SHB: variants seen among roughly 807,000 people sequenced by gnomAD.
SHB encodes SH2 domain-containing adapter protein B.
In SHB, 20 loss-of-function variants were observed where a neutral mutation model predicts 52.3. That is an observed-to-expected ratio of 0.38 (90% CI 0.27 to 0.56). The LOEUF (loss-of-function observed/expected upper bound fraction) is 0.56, where lower values mean the gene tolerates loss of function less well. Ranked by LOEUF, SHB falls within the 20% of genes least tolerant of loss-of-function variation. The pLI is 0.71. For synonymous variants in SHB, 397 were observed against 316.5 expected (o/e 1.25, Z -2.70); for missense variants, 825 against 723.3 (o/e 1.14, Z -1.61).
intron 5 of SHB, among the ~76,000 whole-genome samples, chr9:37,920,781 C>T (rs1832171374): frequency 6.6e-6 from 1 of 152,232 alleles, no homozygotes; most frequent in Admixed American, 6.5e-5. Flanking sequence ...ACTGTAGGTA[C>T]TTAGCCACCA....
chr9:38,048,024 C>T (rs76122895), intron 1 of SHB, among the ~76,000 whole-genome samples: 1,784 of 152,326 alleles, frequency 0.012, 32 homozygotes, highest in African/African-American at 0.041. Context: ...AGACACTCAG[C>T]GGCTTTGAAG....
chr9:37,945,119 G>C (rs1832477574), intron 5 of SHB, among the ~76,000 whole-genome samples: 1 of 152,156 alleles, frequency 6.6e-6, no homozygotes. Flanking sequence ...CTTCATCCTA[G>C]AACACCCTCA....
intron 1 of SHB, among the ~76,000 whole-genome samples, chr9:38,065,413 C>T (rs1821948945): frequency 6.6e-6 from 1 of 152,268 alleles, no homozygotes; most frequent in Non-Finnish European, 1.5e-5. Context: ...GAGTGGTTTT[C>T]AAACCATGGT....
intron 5 of SHB, 89 bp from the exon 6 acceptor site, chr9:37,920,093 A>ATCCCAGCG: frequency 9.5e-7 from 1 of 1,050,112 alleles, no homozygotes; most frequent in Non-Finnish European, 1.4e-6. Flanking sequence ...GACAGAAGGG[A>ATCCCAGCG]TCCCAGCCAT....
intron 1 of SHB, among the ~76,000 whole-genome samples, chr9:38,059,692 C>T (rs1452456148): frequency 1.3e-5 from 2 of 152,204 alleles, no homozygotes; most frequent in East Asian, 1.9e-4. Context: ...ATCAATCAGG[C>T]TGTCACCCTT....
rs373503828 is a variant in SHB, at chr9:37,977,721, C to T, written c.839-2884G>A. On this transcript the variant is annotated intron_variant, in intron 2 of 5. Coordinates refer to ENST00000377707, the MANE Select transcript of SHB (RefSeq NM_003028.3). ...TTGTAGGGTCCTCATCACCTGTATT[C>T]GTCTTCCTCCGTTCTGAGGAGTGAA... Among the ~76,000 whole-genome samples the T allele has an allele frequency of 6.6e-5, 10 of 152,196 alleles. No individual in the cohort carries two copies. The East Asian group carries it at 9.6e-4, about 15-fold the overall frequency.
intron 3 of SHB, among the ~76,000 whole-genome samples, chr9:37,958,884 G>A (rs977551884): frequency 1.3e-5 from 2 of 152,154 alleles, no homozygotes; most frequent in Non-Finnish European, 1.5e-5. Context: ...GAGAGAAAGA[G>A]GTGAAGCAGG....
Position 37,964,520 on chromosome 9 carries a change from G to A in SHB, c.1055-8466C>T, listed in dbSNP as rs750386065. On this transcript the variant is annotated intron_variant, in intron 3 of 5. Coordinates refer to ENST00000377707, the MANE Select transcript of SHB (RefSeq NM_003028.3). ...ATGAAGATGATGAAATAACCCGAAC[G>A]CAGAGGCCTCTACGGCTGCCAAAGC... Among the ~76,000 whole-genome samples the A allele has an allele frequency of 9.2e-5, 14 of 152,188 alleles. No homozygotes were observed. In the South Asian group the frequency reaches 1.5e-3, roughly 16 times the overall value.
intron 1 of SHB, among the ~76,000 whole-genome samples, chr9:38,054,726 C>G (rs1821792977): frequency 6.6e-6 from 1 of 152,158 alleles, no homozygotes; most frequent in South Asian, 2.1e-4. Flanking sequence ...TCTACTTGAC[C>G]TCAGAGAGTC....
chr9:38,029,304 A>G (rs1271235954), intron 1 of SHB, among the ~76,000 whole-genome samples: 1 of 152,168 alleles, frequency 6.6e-6, no homozygotes, highest in Non-Finnish European at 1.5e-5. Context: ...AAGTCCTACC[A>G]ATAAGGGACA....
chr9:38,003,546 G>A (rs371184691), intron 2 of SHB, among the ~76,000 whole-genome samples: 6 of 152,256 alleles, frequency 3.9e-5, no homozygotes, highest in African/African-American at 1.4e-4. Context: ...GGGCCAAGGT[G>A]GGCTCCACCT....
At chr9:37,948,860 A>G in intron 4 of SHB, 106 bp from the exon 5 acceptor site, 1 of 1,440,166 alleles carries the variant, frequency 6.9e-7, no homozygotes. Flanking sequence ...CTGTACAAGC[A>G]GGCATGCACT....
intron 2 of SHB, among the ~76,000 whole-genome samples, chr9:37,999,121 A>G (rs1472052126): frequency 6.6e-6 from 1 of 152,156 alleles, no homozygotes; most frequent in African/African-American, 2.4e-5. Flanking sequence ...TGGGAACCCT[A>G]TAGGGTGTGG....
intron 5 of SHB, among the ~76,000 whole-genome samples, chr9:37,927,669 C>T (rs1292817205): frequency 6.6e-6 from 1 of 152,198 alleles, no homozygotes; most frequent in African/African-American, 2.4e-5. Flanking sequence ...CATTATTAGA[C>T]AAGAAGTTTT....
At chr9:37,967,554 G>T (rs1011102013) in intron 3 of SHB, among the ~76,000 whole-genome samples, 32 of 152,296 alleles carry the variant, frequency 2.1e-4, no homozygotes, top group African/African-American at 7.5e-4. Context: ...GCTTCCTGGA[G>T]GAGGTGACTT....
intron 3 of SHB, among the ~76,000 whole-genome samples, chr9:37,958,761 C>T (rs571806195): frequency 6.6e-6 from 1 of 152,320 alleles, no homozygotes; most frequent in Admixed American, 6.5e-5. Flanking sequence ...AGCATCTACC[C>T]CTCGCTGGCC....
chr9:37,924,670 T>C (rs974002865), intron 5 of SHB, among the ~76,000 whole-genome samples: 4 of 152,110 alleles, frequency 2.6e-5, no homozygotes, highest in Admixed American at 6.6e-5. Context: ...CCAAAACAGA[T>C]ATAACAACAC....
chr9:38,027,573 T>C (rs1821360099), intron 1 of SHB, among the ~76,000 whole-genome samples: 2 of 151,276 alleles, frequency 1.3e-5, no homozygotes, highest in South Asian at 4.2e-4. Flanking sequence ...AAAATGGGCC[T>C]GAGAAGGGTA....
chr9:37,937,773 A>G (rs1832390546), intron 5 of SHB, among the ~76,000 whole-genome samples: 1 of 152,240 alleles, frequency 6.6e-6, no homozygotes. Flanking sequence ...AAATGAGAGA[A>G]GAATATACAG....
Sources: allele counts gnomAD v4.1 joint callset (sites outside exome capture counted in the v4.1 genomes callset), GRCh38; gene constraint gnomAD v4.1.1; transcripts MANE v1.5; gene names NCBI Gene and HGNC (gene_info 2026-07-23, HGNC 2026-07-21).